Variants in SLC8A1 observed in about 807,000 individuals in gnomAD.
The protein encoded by SLC8A1 is solute carrier family 8 member A1.
A neutral mutation model predicts 68.3 loss-of-function variants in SLC8A1; 18 were observed. The observed-to-expected ratio is 0.26, with a 90% CI of 0.18 to 0.39. The LOEUF is 0.39. Among genes scored for constraint, SLC8A1 ranks in the 10% least tolerant of loss-of-function variants. The pLI is 1.00. For synonymous variants in SLC8A1, 475 were observed against 415.5 expected (o/e 1.14, Z -1.74); for missense variants, 985 against 1,156.7 (o/e 0.85, Z 2.15).
At chr2:40,502,742 G>T (rs1244033975) in intron 1 of SLC8A1, among the ~76,000 whole-genome samples, 1 of 151,686 alleles carries the variant, frequency 6.6e-6, no homozygotes, top group East Asian at 1.9e-4. Flanking sequence ...ATCTACTTTG[G>T]GTCAGGAAAT....
intron 2 of SLC8A1, among the ~76,000 whole-genome samples, chr2:40,415,426 GAAAAA>G (rs564724684): frequency 1.5e-5 from 2 of 137,278 alleles, no homozygotes; most frequent in East Asian, 4.3e-4. Flanking sequence ...AATCCATATG[GAAAAA>G]AAAAAAAAAG....
chr2:40,444,877 T>A (rs543784046), intron 1 of SLC8A1, among the ~76,000 whole-genome samples: 36 of 152,308 alleles, frequency 2.4e-4, no homozygotes, highest in African/African-American at 8.7e-4. Context: ...ATACTGACTA[T>A]CTGGGCATTT....
At chr2:40,242,322 A>C (rs898327427) in intron 2 of SLC8A1, among the ~76,000 whole-genome samples, 2 of 152,234 alleles carry the variant, frequency 1.3e-5, no homozygotes, top group Non-Finnish European at 2.9e-5. Flanking sequence ...AAACATAAAG[A>C]TAAAAGGTCC....
intron 7 of SLC8A1, among the ~76,000 whole-genome samples, chr2:40,118,701 C>T (rs1360065220): frequency 7.1e-6 from 1 of 141,030 alleles, no homozygotes; most frequent in Non-Finnish European, 1.5e-5. Flanking sequence ...AAGCAGCTTC[C>T]AGCTCAGGTA....
chr2:40,185,351 G>A (rs560296422), intron 2 of SLC8A1, among the ~76,000 whole-genome samples: 2 of 152,146 alleles, frequency 1.3e-5, no homozygotes, highest in South Asian at 2.1e-4. Context: ...AGGTTCATCG[G>A]CTGATAAATG....
intron 1 of SLC8A1, among the ~76,000 whole-genome samples, chr2:40,474,413 C>T (rs1402576895): frequency 1.3e-5 from 2 of 152,116 alleles, no homozygotes; most frequent in African/African-American, 2.4e-5. Flanking sequence ...AGAAAAGAAA[C>T]CTTAAATGGC....
At chr2:40,199,192 T>G (rs1414187074) in intron 2 of SLC8A1, among the ~76,000 whole-genome samples, 1 of 151,826 alleles carries the variant, frequency 6.6e-6, no homozygotes, top group African/African-American at 2.4e-5. Context: ...TGGGGCCTAC[T>G]TGGAATCCTA....
chr2:40,401,899 C>G (rs1246089977), intron 2 of SLC8A1, among the ~76,000 whole-genome samples: 2 of 152,120 alleles, frequency 1.3e-5, no homozygotes, highest in East Asian at 3.9e-4. Context: ...ACATAAAAAA[C>G]TGTAATTGGG....
chr2:40,328,441 C>T (rs1359168938), intron 2 of SLC8A1, among the ~76,000 whole-genome samples: 2 of 152,118 alleles, frequency 1.3e-5, no homozygotes, highest in South Asian at 2.1e-4. Context: ...ACCATGAGAA[C>T]ATTTCTCAAA....
chr2:40,481,368 C>T (rs1704619959), intron 1 of SLC8A1, among the ~76,000 whole-genome samples: 1 of 152,208 alleles, frequency 6.6e-6, no homozygotes, highest in Non-Finnish European at 1.5e-5. Context: ...TTGAATTCAG[C>T]CATACCTGGC....
intron 2 of SLC8A1, among the ~76,000 whole-genome samples, chr2:40,194,428 A>G (rs2052524330): frequency 6.6e-6 from 1 of 151,370 alleles, no homozygotes; most frequent in South Asian, 2.1e-4. Flanking sequence ...GATAACACTG[A>G]GCGATCACTA....
chr2:40,356,582 C>A (rs1430540447), intron 2 of SLC8A1, among the ~76,000 whole-genome samples: 2 of 148,726 alleles, frequency 1.3e-5, no homozygotes, highest in Non-Finnish European at 3.0e-5. Context: ...GTTTCAAAAT[C>A]ACGTATGGTC....
At chr2:40,301,301 T>A (rs1162089740) in intron 2 of SLC8A1, among the ~76,000 whole-genome samples, 3 of 152,200 alleles carry the variant, frequency 2.0e-5, no homozygotes, top group Admixed American at 6.5e-5. Flanking sequence ...GAAGTTGAAG[T>A]TGTGATAACT....
intron 7 of SLC8A1, among the ~76,000 whole-genome samples, chr2:40,130,925 G>A (rs2039194596): frequency 6.6e-6 from 1 of 152,198 alleles, no homozygotes; most frequent in African/African-American, 2.4e-5. Flanking sequence ...GAAAAATGAA[G>A]ATAGGCTGAA....
At chr2:40,164,881 C>A (rs1573431510) in exon 5 of SLC8A1, 1 of 1,613,798 alleles carries the variant, frequency 6.2e-7, no homozygotes, top group African/African-American at 1.3e-5. Flanking sequence ...CTTCAATGAT[C>A]ACTTCCAACT....
rs2048830071 is a variant in SLC8A1, at chr2:40,178,226, A to G, written c.1809-371T>C. 2.0e-5 allele frequency among the ~76,000 whole-genome samples: 3 copies of G among 152,170 alleles called. No individual in the cohort carries two copies. The South Asian group carries it at 6.2e-4, about 32-fold the overall frequency. ...CAGCGCACCTAACGCTGGCTGATGT[A>G]GCTACAGGCCTGCCTACTGTGGCTC... On this transcript the variant is annotated intron_variant, in intron 2 of 7. Transcript: ENST00000406785.
At chr2:40,308,797 G>A (rs979675710) in intron 2 of SLC8A1, among the ~76,000 whole-genome samples, 2 of 152,146 alleles carry the variant, frequency 1.3e-5, no homozygotes, top group Non-Finnish European at 2.9e-5. Flanking sequence ...TGAGAACGCT[G>A]CAAAGGGCAA....
intron 2 of SLC8A1, among the ~76,000 whole-genome samples, chr2:40,362,600 C>T (rs575995445): frequency 1.3e-5 from 2 of 152,178 alleles, no homozygotes; most frequent in African/African-American, 2.4e-5. Flanking sequence ...GTGACAATTA[C>T]AGTTGCAAAT....
intron 7 of SLC8A1, among the ~76,000 whole-genome samples, chr2:40,127,976 T>A (rs1297988788): frequency 6.6e-6 from 1 of 152,210 alleles, no homozygotes; most frequent in Non-Finnish European, 1.5e-5. Flanking sequence ...AAGCATCTGA[T>A]GGATTGAAAT....
Sources: gnomAD v4.1 joint callset for allele counts (sites outside exome capture counted in the v4.1 genomes callset) on GRCh38, gnomAD v4.1.1 for gene constraint, MANE v1.5 for transcripts, NCBI Gene and HGNC (gene_info 2026-07-23, HGNC 2026-07-21) for gene names.